The following ATF7 variants were observed in gnomAD, a reference collection of about 807,000 sequenced individuals.
The protein encoded by ATF7 is cyclic AMP-dependent transcription factor ATF-7.
ATF7 carries 10 observed loss-of-function variants against 50.4 expected under a neutral mutation model. The observed-to-expected ratio is 0.20, with a 90% CI of 0.12 to 0.34. The LOEUF is 0.34. Ranked by LOEUF, ATF7 falls within the 10% of genes least tolerant of loss-of-function variation. The pLI, the probability that ATF7 is intolerant of heterozygous loss-of-function variation, is 1.00. For synonymous variants in ATF7, 201 were observed against 226.4 expected (o/e 0.89, Z 1.01); for missense variants, 465 against 613.9 (o/e 0.76, Z 2.56).
rs140519970 is a variant in ATF7 at position 53,559,895 on chromosome 12, G to A, written c.49-7258C>T. ...CTTGGACACAGCACATATTCAACTA[G>A]TTCCCTCCTCTTTACTTTTTTAAAA... On this transcript the variant is annotated intron_variant, in intron 2 of 11. Transcript: ENST00000420353. 3.1e-4 allele frequency among the ~76,000 whole-genome samples: 47 copies of A among 152,090 alleles called. 1 individual carries two copies. The highest frequency in any genetic ancestry group is 1.1e-3 in the African/African-American group (46 of 41,498).
At chr12:53,533,543 C>T (rs1939030835) in intron 6 of ATF7, among the ~76,000 whole-genome samples, 1 of 152,184 alleles carries the variant, frequency 6.6e-6, no homozygotes, top group East Asian at 1.9e-4. Flanking sequence ...AACATTCCTA[C>T]CACTGGCTTG....
intron 2 of ATF7, among the ~76,000 whole-genome samples, chr12:53,574,321 C>A (rs1264583875): frequency 6.6e-6 from 1 of 152,196 alleles, no homozygotes; most frequent in Non-Finnish European, 1.5e-5. Flanking sequence ...GGAAGCATTG[C>A]ACCCCTTCCC....
At chr12:53,609,547 G>A (rs1298316527) in intron 1 of ATF7, among the ~76,000 whole-genome samples, 4 of 151,112 alleles carry the variant, frequency 2.6e-5, no homozygotes, top group Middle Eastern at 3.4e-3. Context: ...TCGGGAGACC[G>A]AGATGAGAGG....
At chr12:53,539,385 C>T (rs1314113276) in intron 4 of ATF7, among the ~76,000 whole-genome samples, 1 of 152,070 alleles carries the variant, frequency 6.6e-6, no homozygotes, top group Non-Finnish European at 1.5e-5. Context: ...TCTAGACCAG[C>T]CTGTGCAAAT....
rs1937728401 is a variant in ATF7, at chr12:53,516,757, A to G, written c.*380T>C. ...GGTAAGGAACAAAAAGGTAACAGCC[A>G]CGGCTTAGTGGGAAGAGAGGGAACT... On this transcript the variant is annotated 3_prime_UTR_variant, in exon 12 of 12. Coordinates refer to ENST00000420353, the MANE Select transcript of ATF7 (RefSeq NM_006856.3). 4.7e-6 allele frequency: 1 copy of G among 212,982 alleles called. No individual in the cohort carries two copies. The allele number at this position is 212,982 out of a possible 1,614,324, so 13.2% of individuals were successfully genotyped here.
chr12:53,539,360 C>T (rs1939403269), intron 4 of ATF7, among the ~76,000 whole-genome samples: 1 of 152,116 alleles, frequency 6.6e-6, no homozygotes, highest in South Asian at 2.1e-4. Flanking sequence ...GGGAGGATCA[C>T]CTGAGGCCCG....
intron 2 of ATF7, among the ~76,000 whole-genome samples, chr12:53,556,593 A>G (rs7976527): frequency 0.48 from 72,747 of 152,080 alleles, 17,543 homozygotes; most frequent in East Asian, 0.74. Context: ...GCAAGACTCC[A>G]TCTCAAAAAA....
At chr12:53,523,218 C>G in intron 11 of ATF7, 58 bp downstream of exon 11, 1 of 1,227,400 alleles carries the variant, frequency 8.1e-7, no homozygotes, top group Admixed American at 1.7e-5. Context: ...GCAGTTGAGA[C>G]ACTCAGTACA....
At chr12:53,603,393 AC>A (rs1943478555) in intron 1 of ATF7, among the ~76,000 whole-genome samples, 1 of 152,208 alleles carries the variant, frequency 6.6e-6, no homozygotes, top group Non-Finnish European at 1.5e-5. Flanking sequence ...AGAAAAAAAA[AC>A]AAAAACAAAA....
intron 2 of ATF7, among the ~76,000 whole-genome samples, chr12:53,558,431 T>G (rs1351311398): frequency 1.3e-5 from 2 of 152,218 alleles, no homozygotes; most frequent in African/African-American, 2.4e-5. Flanking sequence ...TTTAGTTTCC[T>G]TTTCCAAACT....
chr12:53,615,089 GAAA>G (rs952486526), intron 1 of ATF7, among the ~76,000 whole-genome samples: 1 of 133,670 alleles, frequency 7.5e-6, no homozygotes, highest in African/African-American at 2.7e-5. Flanking sequence ...CAAAAGAAAA[GAAA>G]AAAAAAAAGA....
intron 2 of ATF7, among the ~76,000 whole-genome samples, chr12:53,563,267 T>C (rs1043919980): frequency 2.6e-5 from 4 of 152,286 alleles, no homozygotes; most frequent in African/African-American, 7.2e-5. Context: ...TTTATTTATA[T>C]AATTATACAT....
intron 1 of ATF7, among the ~76,000 whole-genome samples, chr12:53,620,143 C>CA (rs921123957): frequency 1.3e-4 from 19 of 148,794 alleles, no homozygotes; most frequent in South Asian, 4.2e-4. Flanking sequence ...GACCCTGTCT[C>CA]AAAAAAAAAC....
intron 2 of ATF7, among the ~76,000 whole-genome samples, chr12:53,555,696 G>C (rs867196090): frequency 6.6e-6 from 1 of 151,860 alleles, no homozygotes; most frequent in Non-Finnish European, 1.5e-5. Flanking sequence ...TTTTGATAGA[G>C]AAGGGGTTTC....
chr12:53,566,335 G>A (rs955041923), intron 2 of ATF7, among the ~76,000 whole-genome samples: 2 of 152,102 alleles, frequency 1.3e-5, no homozygotes, highest in Admixed American at 6.6e-5. Context: ...AGACATTATT[G>A]GTTTCTTAAC....
In ATF7 at chr12:53,523,376, G is replaced by T; in HGVS notation, c.1134C>A (p.Val378=). The T allele has an allele frequency of 6.2e-7, 1 of 1,612,036 alleles. No individual in the cohort carries two copies. Among genetic ancestry groups the T allele is most frequent in the South Asian group, 1.1e-5 (1 of 91,032 alleles). Residue 378 remains valine, a synonymous_variant, in exon 11 of 12, where the codon GTC becomes GTA. Coordinates refer to ENST00000420353, the MANE Select transcript of ATF7 (RefSeq NM_006856.3). The part of the protein sequence containing the change: ...TSQNIQLSNE[V]TLLRNEVAQL... ...GGGCCACCTCATTGCGTAGTAATGT[G>T]ACTTCATTCTGAGGAGGGAGGGAAG... is the stretch of plus-strand genomic sequence containing the variant.
At chr12:53,583,798 T>C (rs1942549921) in intron 2 of ATF7, among the ~76,000 whole-genome samples, 1 of 152,084 alleles carries the variant, frequency 6.6e-6, no homozygotes, top group South Asian at 2.1e-4. Flanking sequence ...AAGATACACC[T>C]GATAAAGGAC....
chr12:53,579,452 T>G (rs1268525167), intron 2 of ATF7, among the ~76,000 whole-genome samples: 1 of 150,198 alleles, frequency 6.7e-6, no homozygotes, highest in Non-Finnish European at 1.5e-5. Flanking sequence ...CTCAGGAGGC[T>G]GAAGCAGGAG....
intron 2 of ATF7, among the ~76,000 whole-genome samples, chr12:53,569,783 A>G (rs1041546215): frequency 6.6e-6 from 1 of 151,684 alleles, no homozygotes; most frequent in African/African-American, 2.4e-5. Context: ...CGTTCAAAGG[A>G]TTCTCCTGCC....
Sources: allele counts gnomAD v4.1 joint callset (sites outside exome capture counted in the v4.1 genomes callset), GRCh38; gene constraint gnomAD v4.1.1; transcripts MANE v1.5; gene names NCBI Gene and HGNC (gene_info 2026-07-23, HGNC 2026-07-21).